FAM163A: variants seen among roughly 807,000 people sequenced by gnomAD.
FAM163A encodes protein FAM163A.
Under a neutral mutation model 12.0 loss-of-function variants are expected in FAM163A, and 7 were observed. The observed-to-expected ratio is 0.58, with a 90% CI of 0.33 to 1.10. The LOEUF is 1.10. FAM163A is among the 50% of genes least tolerant of loss of function. The pLI, the probability that FAM163A is intolerant of heterozygous loss-of-function variation, is 0.03. For missense variants in FAM163A, 202 were observed against 218.6 expected (o/e 0.92, Z 0.48); for synonymous variants, 101 against 91.0 (o/e 1.11, Z -0.62).
upstream of FAM163A, among the ~76,000 whole-genome samples, chr1:179,739,107 A>C (rs1683331572): frequency 6.6e-6 from 1 of 152,126 alleles, no homozygotes; most frequent in African/African-American, 2.4e-5. Flanking sequence ...ATTAGGCAAG[A>C]AGAAGAAGGA....
upstream of FAM163A, among the ~76,000 whole-genome samples, chr1:179,739,865 A>G (rs1452152073): frequency 6.6e-6 from 1 of 152,246 alleles, no homozygotes; most frequent in Non-Finnish European, 1.5e-5. Context: ...ACACATCATT[A>G]TACATGTATA....
the FAM163A span, among the ~76,000 whole-genome samples, chr1:179,729,950 T>C: frequency 2.0e-5 from 3 of 152,234 alleles, no homozygotes; most frequent in African/African-American, 7.2e-5. Context: ...GCTGCACTTG[T>C]GCTTTTAATC....
chr1:179,794,006 C>G lies in FAM163A; in HGVS notation c.-135-13792C>G, dbSNP rs146891305. Reference sequence around the variant, plus strand: ...AGACAGCTGGAGAAGACATCAGCACCAGTCCCTTACAGCTTCATTCACAGT... The same window carrying G: ...AGACAGCTGGAGAAGACATCAGCACGAGTCCCTTACAGCTTCATTCACAGT... On this transcript the variant is annotated intron_variant, in intron 1 of 4. Coordinates refer to ENST00000341785, the MANE Select transcript of FAM163A (RefSeq NM_173509.3). Among the ~76,000 whole-genome samples the G allele has an allele frequency of 3.5e-3, 538 of 152,336 alleles. 2 individuals carry two copies. Among genetic ancestry groups the G allele is most frequent in the Middle Eastern group, 0.014 (4 of 294 alleles).
chr1:179,799,974 T>C (rs1161689594), intron 1 of FAM163A, among the ~76,000 whole-genome samples: 1 of 152,210 alleles, frequency 6.6e-6, no homozygotes, highest in Non-Finnish European at 1.5e-5. Flanking sequence ...TGTGTGACAC[T>C]CTGCAGCAGA....
intron 2 of FAM163A, among the ~76,000 whole-genome samples, chr1:179,809,584 C>T (rs1329255037): frequency 6.6e-6 from 1 of 152,184 alleles, no homozygotes; most frequent in African/African-American, 2.4e-5. Context: ...GCACAGCCTG[C>T]GTGGTCCTGA....
At chr1:179,809,650 G>A (rs775775472) in intron 2 of FAM163A, among the ~76,000 whole-genome samples, 13 of 152,116 alleles carry the variant, frequency 8.5e-5, no homozygotes, top group Admixed American at 5.9e-4. Flanking sequence ...TTCTTATACA[G>A]CTTCTCCATA....
intron 1 of FAM163A, among the ~76,000 whole-genome samples, chr1:179,806,724 C>T (rs1014496593): frequency 6.6e-6 from 1 of 152,242 alleles, no homozygotes; most frequent in African/African-American, 2.4e-5. Flanking sequence ...CTGAGCATCA[C>T]CCCTACAGGG....
intron 2 of FAM163A, among the ~76,000 whole-genome samples, chr1:179,808,788 A>G (rs182082309): frequency 1.3e-5 from 2 of 152,338 alleles, no homozygotes; most frequent in Non-Finnish European, 1.5e-5. Flanking sequence ...CCTGCCTGCC[A>G]TAAGAGAGCA....
At chr1:179,742,490 G>T (rs1224835696), upstream of FAM163A, 1 of 152,182 alleles carries the variant, frequency 6.6e-6, no homozygotes, top group African/African-American at 2.4e-5. Flanking sequence ...AGGATCAAGA[G>T]AAAGATGATC....
the FAM163A span, among the ~76,000 whole-genome samples, chr1:179,729,175 T>A: frequency 6.6e-6 from 1 of 152,320 alleles, no homozygotes; most frequent in South Asian, 2.1e-4. Flanking sequence ...CCAAAGAAAC[T>A]TGGTGTATAT....
At chr1:179,795,652 T>C (rs981946549) in intron 1 of FAM163A, among the ~76,000 whole-genome samples, 1 of 152,212 alleles carries the variant, frequency 6.6e-6, no homozygotes. Context: ...TATGCTGTTA[T>C]AACAGCAGAA....
At chr1:179,770,224 C>G (rs1688091299) in intron 1 of FAM163A, among the ~76,000 whole-genome samples, 1 of 152,062 alleles carries the variant, frequency 6.6e-6, no homozygotes, top group Admixed American at 6.5e-5. Flanking sequence ...CCTAATTCTT[C>G]CCTTTTTCTA....
At chr1:179,785,317 AT>A (rs1255186955) in intron 1 of FAM163A, among the ~76,000 whole-genome samples, 1 of 152,254 alleles carries the variant, frequency 6.6e-6, no homozygotes, top group Non-Finnish European at 1.5e-5. Context: ...AAATACAGGC[AT>A]TTCTAAACTG....
chr1:179,736,755 A>T, the FAM163A span, among the ~76,000 whole-genome samples: 1 of 152,108 alleles, frequency 6.6e-6, no homozygotes, highest in South Asian at 2.1e-4. Flanking sequence ...GGTTGCAGTG[A>T]GCAGAGATTG....
At chr1:179,733,604 C>T in the FAM163A span, among the ~76,000 whole-genome samples, 4 of 152,078 alleles carry the variant, frequency 2.6e-5, no homozygotes, top group Non-Finnish European at 4.4e-5. Flanking sequence ...GAGACAGTGA[C>T]GCTCCCCTCA....
intron 1 of FAM163A, among the ~76,000 whole-genome samples, chr1:179,794,573 ATT>A (rs1691998380): frequency 6.6e-6 from 1 of 152,190 alleles, no homozygotes; most frequent in South Asian, 2.1e-4. Flanking sequence ...ACCAAAAATC[ATT>A]ATAACAACAC....
chr1:179,769,362 A>T (rs1210042328), intron 1 of FAM163A, among the ~76,000 whole-genome samples: 2 of 151,386 alleles, frequency 1.3e-5, no homozygotes, highest in African/African-American at 4.9e-5. Context: ...TACACTGTCC[A>T]GGTTGGTCTT....
the FAM163A span, among the ~76,000 whole-genome samples, chr1:179,733,760 A>G: frequency 6.6e-6 from 1 of 152,068 alleles, no homozygotes; most frequent in Non-Finnish European, 1.5e-5. Flanking sequence ...CACATCCACA[A>G]ATTCACTCAC....
chr1:179,812,594 G>T (rs1476919804), intron 3 of FAM163A, among the ~76,000 whole-genome samples: 2 of 152,204 alleles, frequency 1.3e-5, no homozygotes, highest in African/African-American at 4.8e-5. Flanking sequence ...GGGATGAACG[G>T]GCTGGGTGGA....
Sources: gnomAD v4.1 joint callset for allele counts (sites outside exome capture counted in the v4.1 genomes callset) on GRCh38, gnomAD v4.1.1 for gene constraint, MANE v1.5 for transcripts, NCBI Gene and HGNC (gene_info 2026-07-23, HGNC 2026-07-21) for gene names.